RALGPS2: variants seen among roughly 807,000 people sequenced by gnomAD.
RALGPS2 encodes ras-specific guanine nucleotide-releasing factor RalGPS2.
A neutral mutation model predicts 86.8 loss-of-function variants in RALGPS2; 43 were observed. The observed-to-expected ratio is 0.50, with a 90% confidence interval of 0.39 to 0.64. RALGPS2 has a LOEUF of 0.64. Ranked by LOEUF, RALGPS2 falls within the 30% of genes least tolerant of loss-of-function variation. The pLI, the probability that RALGPS2 is intolerant of heterozygous loss-of-function variation, is 0.00. For missense variants in RALGPS2, 536 were observed against 694.6 expected, an observed-to-expected ratio of 0.77 and a Z score of 2.57; for synonymous variants, 243 against 231.3, an observed-to-expected ratio of 1.05 and a Z score of -0.46.
intron 7 of RALGPS2, among the ~76,000 whole-genome samples, chr1:178,827,440 G>A (rs1175106264): frequency 6.8e-6 from 1 of 146,256 alleles, no homozygotes; most frequent in Non-Finnish European, 1.5e-5. Context: ...TGTCGCCCAG[G>A]CTGGAGTGCA....
chr1:178,898,436 A>T (rs1391013709), intron 17 of RALGPS2, among the ~76,000 whole-genome samples: 1 of 152,000 alleles, frequency 6.6e-6, no homozygotes, highest in Admixed American at 6.6e-5. Context: ...TAACCAAATG[A>T]TACTGTATAA....
At chr1:178,831,892 A>G (rs982888643) in intron 7 of RALGPS2, among the ~76,000 whole-genome samples, 9 of 152,152 alleles carry the variant, frequency 5.9e-5, no homozygotes, top group Admixed American at 1.3e-4. Flanking sequence ...TTGATTTATT[A>G]TGAAAATTAC....
At position 178,917,618 on chromosome 1, in the gene RALGPS2, C is replaced by G. The variant is rs1660856809; in HGVS notation, c.*1259C>G. On this transcript the variant is annotated 3_prime_UTR_variant, in exon 20 of 20. Transcript: ENST00000367635. ...TTTTCTGAAAATTTACTGTCGGTCT[C>G]TGACATGAAACCGTATTTTGTCAGT... 6.6e-6 allele frequency: 1 copy of G among 152,088 alleles called. No homozygotes were observed. The highest frequency in any genetic ancestry group is 1.5e-5 in the Non-Finnish European group (1 of 67,994). The allele number at this position is 152,088 out of a possible 1,614,324, so 9.4% of individuals were successfully genotyped here.
At chr1:178,883,850 G>T (rs1449333200) in intron 11 of RALGPS2, among the ~76,000 whole-genome samples, 1 of 152,104 alleles carries the variant, frequency 6.6e-6, no homozygotes, top group East Asian at 1.9e-4. Flanking sequence ...TTAGCCGGGT[G>T]TGGTGGCGGG....
At chr1:178,767,974 T>C (rs1652596395) in intron 1 of RALGPS2, among the ~76,000 whole-genome samples, 1 of 152,194 alleles carries the variant, frequency 6.6e-6, no homozygotes. Flanking sequence ...ACTCCTGGGC[T>C]CATAGCGATT....
intron 4 of RALGPS2, among the ~76,000 whole-genome samples, chr1:178,792,156 T>C (rs911026683): frequency 6.6e-6 from 1 of 152,196 alleles, no homozygotes; most frequent in African/African-American, 2.4e-5. Flanking sequence ...TTTTGTGTAA[T>C]GATAGAGAAG....
In RALGPS2 at chr1:178,790,752, A is replaced by G. The variant is rs549515349; in HGVS notation, c.213+5145A>G. On this transcript the variant is annotated intron_variant, in intron 4 of 19. Transcript: ENST00000367635. ...ATCAACTATTGCTAATTTGTTTTCC[A>G]AAATGATTGTACAGATATTGTTTAT... Among the ~76,000 whole-genome samples the G allele has an allele frequency of 4.6e-5, 7 of 152,354 alleles. 1 individual carries two copies. The South Asian group carries it at 1.4e-3, about 32-fold the overall frequency.
chr1:178,875,030 A>G (rs573858774), intron 8 of RALGPS2, among the ~76,000 whole-genome samples: 2 of 151,984 alleles, frequency 1.3e-5, no homozygotes, highest in South Asian at 4.1e-4. Flanking sequence ...GGAGAATTCA[A>G]AGTAACACAC....
intron 8 of RALGPS2, among the ~76,000 whole-genome samples, chr1:178,862,843 G>A (rs1341212208): frequency 6.6e-6 from 1 of 152,074 alleles, no homozygotes; most frequent in Non-Finnish European, 1.5e-5. Flanking sequence ...TTTTCTGTTT[G>A]CAGAAGCAGA....
At chr1:178,747,128 TCTC>T (rs577045392) in intron 1 of RALGPS2, 2 of 952,518 alleles carry the variant, frequency 2.1e-6, no homozygotes, top group South Asian at 1.3e-5. Flanking sequence ...GTTAATATCA[TCTC>T]CTTTTTCCAT....
intron 4 of RALGPS2, among the ~76,000 whole-genome samples, chr1:178,799,811 T>C (rs1283432008): frequency 6.6e-6 from 1 of 152,082 alleles, no homozygotes; most frequent in Admixed American, 6.6e-5. Context: ...TAGAACATCA[T>C]CAAAGTCTAA....
intron 3 of RALGPS2, among the ~76,000 whole-genome samples, chr1:178,785,348 C>T (rs1653598911): frequency 6.6e-6 from 1 of 151,828 alleles, no homozygotes; most frequent in Non-Finnish European, 1.5e-5. Flanking sequence ...TAACTTTACA[C>T]AATTTATCTT....
rs1265469991 is a variant in RALGPS2 at position 178,921,549 on chromosome 1, AAGG to A, written c.*5193_*5195del. The A allele has an allele frequency of 1.3e-5, 2 of 152,034 alleles. No homozygotes were observed. The highest frequency in any genetic ancestry group is 4.8e-5 in the African/African-American group (2 of 41,428). 9.4% of individuals were successfully genotyped at this position (152,034 alleles called of 1,614,324 possible). A position where few individuals can be genotyped will look rare whatever the true frequency, so the allele number is the denominator to read the frequency against. ...GGGAACTGGTTCACAACATAATCTG[AAGG>A]AGATCAAACATCTGTAAGGACAGGT... On this transcript the variant is annotated 3_prime_UTR_variant, in exon 20 of 20. Coordinates refer to ENST00000367635, the MANE Select transcript of RALGPS2 (RefSeq NM_152663.5).
At chr1:178,811,101 A>G (rs894117513) in intron 5 of RALGPS2, among the ~76,000 whole-genome samples, 3 of 152,062 alleles carry the variant, frequency 2.0e-5, no homozygotes, top group African/African-American at 7.2e-5. Context: ...ACACCAAGAA[A>G]ACCCTACTTG....
chr1:178,727,678 A>T (rs1461342923), intron 1 of RALGPS2, among the ~76,000 whole-genome samples: 1 of 152,286 alleles, frequency 6.6e-6, no homozygotes, highest in East Asian at 1.9e-4. Context: ...AGTTCAGTGT[A>T]GTGAATGATG....
intron 8 of RALGPS2, chr1:178,851,177 C>G: frequency 6.2e-7 from 1 of 1,613,898 alleles, no homozygotes; most frequent in Non-Finnish European, 8.5e-7. Flanking sequence ...AGGAGTATGA[C>G]CCGCCTCTGT....
chr1:178,869,473 G>T (rs977863644), intron 8 of RALGPS2, among the ~76,000 whole-genome samples: 2 of 152,034 alleles, frequency 1.3e-5, no homozygotes, highest in Admixed American at 6.6e-5. Context: ...GTAATTTGGG[G>T]TTCAGATTAA....
At chr1:178,751,148 C>T (rs1342581614) in intron 1 of RALGPS2, among the ~76,000 whole-genome samples, 2 of 152,096 alleles carry the variant, frequency 1.3e-5, no homozygotes, top group Non-Finnish European at 2.9e-5. Flanking sequence ...TATGTCCCTC[C>T]CCCCCAAACC....
intron 8 of RALGPS2, among the ~76,000 whole-genome samples, chr1:178,873,297 A>G (rs887865436): frequency 2.0e-5 from 3 of 152,250 alleles, no homozygotes; most frequent in African/African-American, 7.2e-5. Context: ...TTAGAAATCC[A>G]TAAGAAAAAG....
Sources: gnomAD v4.1 joint callset for allele counts (sites outside exome capture counted in the v4.1 genomes callset) on GRCh38, gnomAD v4.1.1 for gene constraint, MANE v1.5 for transcripts, NCBI Gene and HGNC (gene_info 2026-07-23, HGNC 2026-07-21) for gene names.